Variants in TACC2 observed in about 807,000 individuals in gnomAD.
The protein encoded by TACC2 is transforming acidic coiled-coil containing protein 2, also known as transforming acidic coiled-coil-containing protein 2.
In TACC2, 137 loss-of-function variants were observed where a neutral mutation model predicts 227.3. That is an observed-to-expected ratio of 0.60 (90% CI 0.52 to 0.69). The LOEUF (loss-of-function observed/expected upper bound fraction) is 0.69, where lower values mean the gene tolerates loss of function less well. TACC2 is among the 30% of genes least tolerant of loss of function. The pLI, the probability that TACC2 is intolerant of heterozygous loss-of-function variation, is 0.00. For synonymous variants in TACC2, 1,523 were observed against 1,487.5 expected (o/e 1.02, Z -0.55); for missense variants, 3,470 against 3,694.4 (o/e 0.94, Z 1.57).
At chr10:122,012,192 C>T (rs898837090) in intron 1 of TACC2, among the ~76,000 whole-genome samples, 1 of 151,798 alleles carries the variant, frequency 6.6e-6, no homozygotes, top group African/African-American at 2.4e-5. Context: ...GAGGCCAAGG[C>T]GGGTGGATCA....
At chr10:122,011,157 G>A (rs931978291) in intron 1 of TACC2, among the ~76,000 whole-genome samples, 40 of 152,108 alleles carry the variant, frequency 2.6e-4, no homozygotes, top group Non-Finnish European at 5.3e-4. Context: ...TTGGGTGAGG[G>A]AGCAGACAGA....
chr10:122,035,789 T>G lies in TACC2; in HGVS notation c.33+13775T>G, dbSNP rs563784645. On this transcript the variant is annotated intron_variant, in intron 2 of 22. Transcript: ENST00000369005. ...TCCCCAACCCTTGATAACCTTTTCTTTCCTTCTCTCCTTCCTTTCCTCTTT... is the reference window on the plus strand; with the variant it reads ...TCCCCAACCCTTGATAACCTTTTCTGTCCTTCTCTCCTTCCTTTCCTCTTT... 3.9e-5 allele frequency among the ~76,000 whole-genome samples: 6 copies of G among 152,076 alleles called. No individual in the cohort carries two copies. The South Asian group carries it at 1.2e-3, about 32-fold the overall frequency.
At chr10:122,201,808 G>A (rs2140827668) in intron 8 of TACC2, among the ~76,000 whole-genome samples, 2 of 152,234 alleles carry the variant, frequency 1.3e-5, no homozygotes, top group South Asian at 4.2e-4. Flanking sequence ...AATAATAATA[G>A]AAAAATAGTA....
chr10:122,184,779 A>G (rs894327144), intron 7 of TACC2, among the ~76,000 whole-genome samples: 1 of 152,204 alleles, frequency 6.6e-6, no homozygotes, highest in Non-Finnish European at 1.5e-5. Context: ...CTCATATTAT[A>G]TACACATTTC....
intron 7 of TACC2, among the ~76,000 whole-genome samples, chr10:122,177,683 G>A (rs1466957303): frequency 1.3e-5 from 2 of 152,162 alleles, no homozygotes; most frequent in Non-Finnish European, 2.9e-5. Context: ...CAAGCCTCTG[G>A]GGCCATGATC....
intron 2 of TACC2, chr10:122,033,218 G>A: frequency 2.7e-6 from 3 of 1,118,510 alleles, no homozygotes; most frequent in Middle Eastern, 2.3e-4. Context: ...CTAGATGGTT[G>A]CAAACATTTG....
At chr10:122,203,225 A>C (rs2094939920) in intron 8 of TACC2, among the ~76,000 whole-genome samples, 1 of 147,840 alleles carries the variant, frequency 6.8e-6, no homozygotes, top group African/African-American at 2.6e-5. Flanking sequence ...CTCATTTCCC[A>C]GTAGGGGCGG....
chr10:122,254,013 C>T lies in TACC2; in HGVS notation c.8804C>T (p.Thr2935Ile). ...CAGAATAAAGAAATAGAAGAACTCACCAAGATTTGTGACGAACTGATTGCC... is the reference window on the plus strand; with the variant it reads ...CAGAATAAAGAAATAGAAGAACTCATCAAGATTTGTGACGAACTGATTGCC... ...EQKNKEIEELTKICDELIAKM... is the reference protein window; with the variant it reads ...EQKNKEIEELIKICDELIAKM... Residue 2935 changes from threonine to isoleucine, a missense_variant, in exon 23 of 23, where the codon ACC becomes ATC. Around this residue, in one of 10 missense-constraint regions of TACC2, gnomAD observed 7 missense variants for 22.7 expected, o/e 0.31. Coordinates refer to ENST00000369005, the MANE Select transcript of TACC2 (RefSeq NM_206862.4). 1 of 1,614,138 alleles carries T rather than the reference C, an allele frequency of 6.2e-7. No homozygotes were observed. The highest frequency in any genetic ancestry group is 8.5e-7 in the Non-Finnish European group (1 of 1,180,012).
chr10:122,037,801 C>T (rs540841472), intron 2 of TACC2, among the ~76,000 whole-genome samples: 2 of 152,192 alleles, frequency 1.3e-5, no homozygotes, highest in Non-Finnish European at 2.9e-5. Flanking sequence ...AGGGGCAGAG[C>T]CCCTTAGCAG....
chr10:122,201,002 G>C (rs12777045), intron 8 of TACC2, among the ~76,000 whole-genome samples: 1,160 of 53,798 alleles, frequency 0.022, 10 homozygotes, highest in Middle Eastern at 0.045. Flanking sequence ...CACCCGCCCA[G>C]AGTGGCCACA....
At chr10:122,217,497 A>G (rs1480400773) in intron 11 of TACC2, among the ~76,000 whole-genome samples, 1 of 124,146 alleles carries the variant, frequency 8.1e-6, no homozygotes, top group Non-Finnish European at 1.6e-5. Flanking sequence ...GGACTGCAGT[A>G]GTACGATCTT....
intron 2 of TACC2, among the ~76,000 whole-genome samples, chr10:122,044,496 T>C (rs929733126): frequency 1.3e-5 from 2 of 152,206 alleles, no homozygotes; most frequent in Non-Finnish European, 2.9e-5. Context: ...GGATGACCTT[T>C]GGTCTGCTTC....
chr10:122,017,818 C>CAAAAA lies in TACC2; in HGVS notation c.-45-4103_-45-4099dup, dbSNP rs5788525. Among the ~76,000 whole-genome samples, 183 of 74,566 alleles carry CAAAAA rather than the reference C, an allele frequency of 2.5e-3. 2 individuals carry two copies. Among genetic ancestry groups the CAAAAA allele is most frequent in the South Asian group, 3.1e-3 (5 of 1,590 alleles). The allele number at this position is 74,566 out of a possible 152,430, so 48.9% of individuals were successfully genotyped here. On this transcript the variant is annotated intron_variant, in intron 1 of 22. Transcript: ENST00000369005. Reference sequence around the variant, plus strand: ...CCTGAGTGACAGAGTGAAACTGTCTCAAAAAAAAAAAAAAAAAAAAGACAA... The same window carrying CAAAAA: ...CCTGAGTGACAGAGTGAAACTGTCTCAAAAAAAAAAAAAAAAAAAAAAAAAGACAA...
At chr10:122,253,375 G>A (rs1405604835) in intron 22 of TACC2, among the ~76,000 whole-genome samples, 1 of 152,222 alleles carries the variant, frequency 6.6e-6, no homozygotes, top group East Asian at 1.9e-4. Context: ...AAGATGGACA[G>A]TGTAGGATCA....
intron 1 of TACC2, among the ~76,000 whole-genome samples, chr10:121,999,127 A>C (rs1953952745): frequency 6.6e-6 from 1 of 151,384 alleles, no homozygotes; most frequent in Non-Finnish European, 1.5e-5. Context: ...TACTGCCTCA[A>C]CCTCCTGAGT....
In TACC2 at chr10:122,195,123, C is replaced by A. The variant is rs58106543; in HGVS notation, c.5918C>A (p.Pro1973His). ...KAPPAPPPPP[P>H]EVIPEPEVST... ...CCGCCAGCTCCACCCCCACCACCCCCCGAAGTCATCCCAGAACCCGAGGTC... is the reference window on the plus strand; with the variant it reads ...CCGCCAGCTCCACCCCCACCACCCCACGAAGTCATCCCAGAACCCGAGGTC... The change falls in exon 8 of 23, where the codon CCC becomes CAC. Residue 1973 changes from proline (P) to histidine (H), a missense_variant. Around this residue, in one of 10 missense-constraint regions of TACC2, gnomAD observed 593 missense variants for 636.6 expected, o/e 0.93. Transcript: ENST00000369005. 3.2e-4 allele frequency: 519 copies of A among 1,613,542 alleles called. No individual in the cohort carries two copies. In the African/African-American group the frequency reaches 6.2e-3, roughly 19 times the overall value.
chr10:122,138,910 G>A (rs528587813), intron 6 of TACC2, among the ~76,000 whole-genome samples: 1 of 152,250 alleles, frequency 6.6e-6, no homozygotes, highest in Non-Finnish European at 1.5e-5. Context: ...AATAATCTTG[G>A]ATATCCAAGA....
intron 7 of TACC2, among the ~76,000 whole-genome samples, chr10:122,162,394 C>T (rs1324755915): frequency 2.0e-5 from 3 of 152,166 alleles, no homozygotes; most frequent in Non-Finnish European, 4.4e-5. Context: ...TGCTTTTGGC[C>T]ACAGTTTAGA....
At chr10:122,063,735 T>G (rs2077086037) in intron 3 of TACC2, among the ~76,000 whole-genome samples, 1 of 151,896 alleles carries the variant, frequency 6.6e-6, no homozygotes, top group Admixed American at 6.6e-5. Flanking sequence ...CTTTATTGAT[T>G]GTGAGATAGC....
Sources: allele counts gnomAD v4.1 joint callset (sites outside exome capture counted in the v4.1 genomes callset), GRCh38; gene constraint gnomAD v4.1.1; regional missense constraint gnomAD v4.1.1; transcripts MANE v1.5; gene names NCBI Gene and HGNC (gene_info 2026-07-23, HGNC 2026-07-21).